Variants in VRK2 observed in about 807,000 individuals in gnomAD.
VRK2 encodes VRK serine/threonine kinase 2.
In VRK2, 60 loss-of-function variants were observed where a neutral mutation model predicts 57.6. That is an observed-to-expected ratio of 1.04 (90% confidence interval 0.85 to 1.29). The LOEUF is 1.29. Among genes scored for constraint, VRK2 ranks in the 50% most tolerant of loss-of-function variants. The probability of loss-of-function intolerance (pLI) is 0.00; values close to 1 mark genes in which losing one functional copy is unlikely to be tolerated. For missense variants in VRK2, 705 were observed against 588.1 expected (o/e 1.20, Z -2.06); for synonymous variants, 231 against 199.2 (o/e 1.16, Z -1.35).
chr2:58,063,583 A>G (rs1677688197), intron 2 of VRK2, among the ~76,000 whole-genome samples: 1 of 152,090 alleles, frequency 6.6e-6, no homozygotes, highest in Admixed American at 6.6e-5. Context: ...TTGCTTTCAA[A>G]ACATTACTGC....
intron 1 of VRK2, among the ~76,000 whole-genome samples, chr2:57,941,023 A>T (rs1671077669): frequency 6.6e-6 from 1 of 152,158 alleles, no homozygotes; most frequent in African/African-American, 2.4e-5. Flanking sequence ...ACAAGTACTG[A>T]TTCTGATTAT....
intron 1 of VRK2, among the ~76,000 whole-genome samples, chr2:57,913,745 G>A (rs1670062643): frequency 6.6e-6 from 1 of 151,962 alleles, no homozygotes; most frequent in African/African-American, 2.4e-5. Context: ...TTTTAATACT[G>A]CAGAGACATA....
At chr2:58,047,455 G>T in intron 1 of VRK2, 1 of 985,404 alleles carries the variant, frequency 1.0e-6, no homozygotes. Context: ...ATGAACTCGG[G>T]ACTCGCCCCC....
intron 2 of VRK2, among the ~76,000 whole-genome samples, chr2:58,030,648 G>T (rs1674083488): frequency 6.8e-6 from 1 of 146,010 alleles, no homozygotes; most frequent in Non-Finnish European, 1.5e-5. Flanking sequence ...GTCAAAACTT[G>T]TGTGGCAGAT....
chr2:58,075,832 A>G (rs1401276104), intron 2 of VRK2, among the ~76,000 whole-genome samples: 2 of 152,074 alleles, frequency 1.3e-5, no homozygotes, highest in African/African-American at 4.8e-5. Flanking sequence ...TTTTTCTGAT[A>G]TTCACTGTGA....
intron 11 of VRK2, among the ~76,000 whole-genome samples, chr2:58,144,433 T>C (rs1200802164): frequency 1.3e-5 from 2 of 152,030 alleles, no homozygotes; most frequent in Non-Finnish European, 2.9e-5. Flanking sequence ...AGGTGATGTG[T>C]TAATAACTTG....
chr2:58,150,562 G>GTTTTTTTTTTT (rs35146685), intron 12 of VRK2, among the ~76,000 whole-genome samples: 1 of 95,586 alleles, frequency 1.0e-5, no homozygotes. Flanking sequence ...TTTTTTTTTA[G>GTTTTTTTTTTT]TTTTTTTTTT....
intron 1 of VRK2, among the ~76,000 whole-genome samples, chr2:57,954,315 A>G (rs1395905887): frequency 6.6e-6 from 1 of 152,088 alleles, no homozygotes; most frequent in African/African-American, 2.4e-5. Flanking sequence ...ACTGAGTTCT[A>G]TACAGTGGAA....
At chr2:58,002,844 T>G (rs1027961531) in intron 1 of VRK2, among the ~76,000 whole-genome samples, 7 of 152,244 alleles carry the variant, frequency 4.6e-5, no homozygotes, top group East Asian at 1.9e-4. Context: ...TGTTAAAGCA[T>G]GCTTCATTTT....
intron 7 of VRK2, among the ~76,000 whole-genome samples, chr2:58,092,504 CAT>C (rs1262114486): frequency 6.6e-6 from 1 of 152,128 alleles, no homozygotes; most frequent in Non-Finnish European, 1.5e-5. Flanking sequence ...TTTGTGGAGA[CAT>C]ATGTTTCACT....
At chr2:58,024,225 C>G (rs1293056397) in intron 1 of VRK2, among the ~76,000 whole-genome samples, 1 of 152,044 alleles carries the variant, frequency 6.6e-6, no homozygotes, top group Admixed American at 6.6e-5. Context: ...GGAGAGCAGT[C>G]CTGAAATAAA....
chr2:58,002,996 T>C (rs984075599), intron 1 of VRK2, among the ~76,000 whole-genome samples: 7 of 152,232 alleles, frequency 4.6e-5, no homozygotes, highest in African/African-American at 1.7e-4. Context: ...TTAAATTGTC[T>C]AAAATTAGTT....
At chr2:58,116,596 C>T (rs1289824255) in intron 7 of VRK2, among the ~76,000 whole-genome samples, 8 of 152,106 alleles carry the variant, frequency 5.3e-5, no homozygotes, top group Admixed American at 2.6e-4. Context: ...AAGAAGGGGA[C>T]GGACTTACCC....
At chr2:57,915,568 T>G (rs1352144500) in intron 1 of VRK2, among the ~76,000 whole-genome samples, 1 of 152,172 alleles carries the variant, frequency 6.6e-6, no homozygotes, top group Non-Finnish European at 1.5e-5. Context: ...CCAACTCCAC[T>G]TCCCTACCAA....
chr2:58,094,114 GT>G (rs917268927), intron 7 of VRK2, among the ~76,000 whole-genome samples: 1 of 152,296 alleles, frequency 6.6e-6, no homozygotes, highest in Admixed American at 6.5e-5. Context: ...CTCCAGCTTT[GT>G]TCTTTTGTCT....
intron 12 of VRK2, among the ~76,000 whole-genome samples, chr2:58,154,957 GA>G (rs1172765461): frequency 1.3e-5 from 2 of 151,936 alleles, no homozygotes; most frequent in South Asian, 2.1e-4. Context: ...AGTATCTGAA[GA>G]TTTTTTTTTC....
At position 58,159,546 on chromosome 2, in the gene VRK2, G is replaced by A. The variant is rs770485843; in HGVS notation, c.1380G>A (p.Gly460=). ...WYKYTSTVST[G]ITDLESSTGL... ...AATACACTTCCACAGTCAGCACGGG[G>A]ATCACAGACTTAGAAAGTTCAACTG... Residue 460 remains glycine, a synonymous_variant, in exon 13 of 13, where the codon GGG becomes GGA. Transcript: ENST00000340157. The A allele has an allele frequency of 8.7e-6, 14 of 1,613,662 alleles. No individual in the cohort carries two copies. Among genetic ancestry groups the A allele is most frequent in the South Asian group, 7.7e-5 (7 of 91,058 alleles).
At chr2:57,960,197 T>C (rs988179691) in intron 1 of VRK2, among the ~76,000 whole-genome samples, 7 of 152,148 alleles carry the variant, frequency 4.6e-5, no homozygotes, top group Non-Finnish European at 7.3e-5. Flanking sequence ...TCTAATATCA[T>C]ACAACCAAAA....
chr2:58,062,369 A>G (rs1042265346), intron 2 of VRK2, among the ~76,000 whole-genome samples: 1 of 152,052 alleles, frequency 6.6e-6, no homozygotes, highest in Non-Finnish European at 1.5e-5. Flanking sequence ...TAATAACCCT[A>G]ACGTGGCCTT....
Sources: allele counts gnomAD v4.1 joint callset (sites outside exome capture counted in the v4.1 genomes callset), GRCh38; gene constraint gnomAD v4.1.1; transcripts MANE v1.5; gene names NCBI Gene and HGNC (gene_info 2026-07-23, HGNC 2026-07-21).